The following NOTCH2 variants were observed in gnomAD, a reference collection of about 807,000 sequenced individuals.
NOTCH2 encodes the protein neurogenic locus notch homolog protein 2.
NOTCH2 carries 29 observed loss-of-function variants against 235.8 expected under a neutral mutation model. That is an observed-to-expected ratio of 0.12 (90% CI 0.09 to 0.17). The LOEUF (loss-of-function observed/expected upper bound fraction) is 0.17. Among genes scored for constraint, NOTCH2 ranks in the 10% least tolerant of loss-of-function variants. The pLI, the probability that NOTCH2 is intolerant of heterozygous loss-of-function variation, is 1.00. For synonymous variants in NOTCH2, 1,086 were observed against 1,141.5 expected (o/e 0.95, Z 0.98); for missense variants, 2,285 against 3,150.2 (o/e 0.73, Z 6.57).
At chr1:119,935,844 G>A (rs1649830185) in intron 21 of NOTCH2, among the ~76,000 whole-genome samples, 1 of 152,202 alleles carries the variant, frequency 6.6e-6, no homozygotes, top group Non-Finnish European at 1.5e-5. Flanking sequence ...TAAAGGGAAG[G>A]CAAGGACTGA....
intron 23 of NOTCH2, among the ~76,000 whole-genome samples, chr1:119,928,048 A>G (rs1649532247): frequency 6.6e-6 from 1 of 152,190 alleles, no homozygotes; most frequent in Non-Finnish European, 1.5e-5. Context: ...AAGAAATACA[A>G]CTACAGACCC....
chr1:120,040,832 TCGAGACCATCCTGGCTAACACG>T, intron 1 of NOTCH2, among the ~76,000 whole-genome samples: 1 of 149,420 alleles, frequency 6.7e-6, no homozygotes, highest in African/African-American at 2.5e-5. Context: ...GGTCAGGAGA[TCGAGACCATCCTGGCTAACACG>T]GTGAAACCAC....
At chr1:119,957,885 A>C (rs970630585) in intron 12 of NOTCH2, among the ~76,000 whole-genome samples, 3 of 76,962 alleles carry the variant, frequency 3.9e-5, no homozygotes, top group African/African-American at 3.7e-5. Context: ...CACACACACA[A>C]CAGGCCCCTA....
chr1:120,009,218 T>C lies in NOTCH2; in HGVS notation c.156-3630A>G, dbSNP rs587632841. 1.5e-4 allele frequency among the ~76,000 whole-genome samples: 23 copies of C among 151,602 alleles called. No homozygotes were observed. In the East Asian group the frequency reaches 2.1e-3, roughly 14 times the overall value. ...GAGCTGTAACTGGGATGTGGATCAATTGGGGCCTTTAAGCCACTGTAAAGA... is the reference window on the plus strand; with the variant it reads ...GAGCTGTAACTGGGATGTGGATCAACTGGGGCCTTTAAGCCACTGTAAAGA... On this transcript the variant is annotated intron_variant, in intron 2 of 33. Coordinates refer to ENST00000256646, the MANE Select transcript of NOTCH2 (RefSeq NM_024408.4).
chr1:119,922,423 T>C lies in NOTCH2; in HGVS notation c.5026A>G (p.Thr1676Ala), dbSNP rs762552264. ...ACAGCAAGGAGATAGAGGAGCTGAG[T>C]GCGTTCTGGAGTCAGGGATTCACCT... ...VVSESLTPER[T>A]QLLYLLAVAV... Residue 1676 changes from threonine to alanine, a missense_variant, in exon 28 of 34, where the codon ACT becomes GCT. By Grantham distance (58) the Thr-to-Ala change is moderately conservative. Transcript: ENST00000256646. 5.6e-6 allele frequency: 9 copies of C among 1,613,204 alleles called. No homozygotes were observed. Among genetic ancestry groups the C allele is most frequent in the African/African-American group, 1.3e-5 (1 of 75,010 alleles).
At chr1:119,916,776 AC>A in intron 33 of NOTCH2, 82 bp from the exon 34 acceptor site, 25 of 1,346,198 alleles carry the variant, frequency 1.9e-5, no homozygotes, top group South Asian at 1.8e-4. Flanking sequence ...TTTTATTATC[AC>A]CCCCTTAGAC....
intron 1 of NOTCH2, 141 bp from the exon 2 acceptor site, chr1:120,030,128 G>A (rs1553210763): frequency 1.5e-6 from 1 of 683,544 alleles, no homozygotes; most frequent in Non-Finnish European, 2.7e-6. Context: ...AGTTTTTTAT[G>A]TTCTGGCTTC....
Position 119,919,434 on chromosome 1 carries a change from A to G in NOTCH2, c.5659T>C (p.Tyr1887His). ...CGCTTGGCAGCATCAGCCCGTGAGT[A>G]GCGGGCTGCAAGGTGCAGGGCCATC... Reference protein sequence around the residue: ...GEMALHLAARYSRADAAKRLL... With the variant: ...GEMALHLAARHSRADAAKRLL... Residue 1887 changes from tyrosine to histidine, a missense_variant, in exon 31 of 34, where the codon TAC becomes CAC. Transcript: ENST00000256646. The G allele has an allele frequency of 6.2e-7, 1 of 1,613,778 alleles. No homozygotes were observed. Among genetic ancestry groups the G allele is most frequent in the Non-Finnish European group, 8.5e-7 (1 of 1,180,018 alleles).
chr1:119,945,448 GAA>G (rs1379321177), intron 17 of NOTCH2, among the ~76,000 whole-genome samples: 1 of 151,882 alleles, frequency 6.6e-6, no homozygotes, highest in African/African-American at 2.4e-5. Flanking sequence ...TCATACTGGA[GAA>G]AAAAAGACAA....
chr1:120,036,911 C>T (rs1415943958), intron 1 of NOTCH2, among the ~76,000 whole-genome samples: 1 of 152,188 alleles, frequency 6.6e-6, no homozygotes, highest in Non-Finnish European at 1.5e-5. Flanking sequence ...ACTATCATAC[C>T]AGCTACATAT....
chr1:119,960,668 T>C (rs587745601), intron 11 of NOTCH2, among the ~76,000 whole-genome samples: 2 of 151,202 alleles, frequency 1.3e-5, no homozygotes, highest in East Asian at 3.9e-4. Context: ...TCACTCATAC[T>C]TTGTTTTTCT....
chr1:119,946,013 GATCTA>G (rs1403874281), intron 17 of NOTCH2, among the ~76,000 whole-genome samples: 1 of 152,000 alleles, frequency 6.6e-6, no homozygotes, highest in Non-Finnish European at 1.5e-5. Context: ...AACCATCACA[GATCTA>G]ATAGACTATT....
In NOTCH2 at chr1:119,922,710, G is replaced by A. The variant is rs891328437; in HGVS notation, c.4928C>T (p.Thr1643Met). The A allele has an allele frequency of 3.1e-6, 5 of 1,614,074 alleles. No individual in the cohort carries two copies. The highest frequency in any genetic ancestry group is 1.7e-5 in the Admixed American group (1 of 60,010). The change falls in exon 27 of 34, where the codon ACG (threonine) becomes ATG (methionine). Residue 1643 changes from threonine (T) to methionine (M), a missense_variant. Transcript: ENST00000256646. ...GGCCAGGAGAGCTGCTGCTGCATCCGTGTTCTTGAAGCAGTGGTCTGAGTC... is the reference window on the plus strand; with the variant it reads ...GGCCAGGAGAGCTGCTGCTGCATCCATGTTCTTGAAGCAGTGGTCTGAGTC... ...VQDSDHCFKN[T>M]DAAAALLASH... is the part of the protein sequence containing the mutation.
intron 1 of NOTCH2, among the ~76,000 whole-genome samples, chr1:120,063,329 A>G (rs1655381162): frequency 1.3e-5 from 2 of 151,884 alleles, no homozygotes; most frequent in Non-Finnish European, 2.9e-5. Flanking sequence ...CCGACACCAA[A>G]TATGTGTTCA....
intron 21 of NOTCH2, among the ~76,000 whole-genome samples, chr1:119,937,076 C>A (rs1210171744): frequency 4.6e-5 from 7 of 152,056 alleles, no homozygotes; most frequent in Non-Finnish European, 7.3e-5. Context: ...TGGTTCCAGA[C>A]GCCTATAAAA....
At chr1:119,944,715 G>C (rs1303041904) in intron 17 of NOTCH2, among the ~76,000 whole-genome samples, 1 of 152,090 alleles carries the variant, frequency 6.6e-6, no homozygotes, top group Admixed American at 6.6e-5. Flanking sequence ...CAAGGAAGAA[G>C]ATAATAGGAT....
At chr1:119,998,685 TTTATTATTATTA>T (rs758113130) in intron 3 of NOTCH2, among the ~76,000 whole-genome samples, 1 of 149,974 alleles carries the variant, frequency 6.7e-6, no homozygotes, top group Non-Finnish European at 1.5e-5. Flanking sequence ...TCCTTGAATT[TTTATTATTATTA>T]TTATTATTAT....
In NOTCH2 at chr1:119,969,559, T is replaced by C; in HGVS notation, c.1060A>G (p.Ile354Val). 1.2e-6 allele frequency: 2 copies of C among 1,614,036 alleles called. No homozygotes were observed. The highest frequency in any genetic ancestry group is 1.3e-5 in the African/African-American group (1 of 75,038). Residue 354 changes from isoleucine to valine, a missense_variant, in exon 6 of 34, where the codon ATC becomes GTC. This residue lies in a region of NOTCH2 where 431 missense variants were observed against 757.8 expected (regional missense o/e 0.57). Coordinates refer to ENST00000256646, the MANE Select transcript of NOTCH2 (RefSeq NM_024408.4). Reference protein sequence around the residue: ...FASCTPGSTCIDRVASFSCMC... With the variant: ...FASCTPGSTCVDRVASFSCMC... ...CAAGAGAAGGAGGCCACACGGTCGA[T>C]GCAGGTGGAGCCTGGAGTACAGGAG...
chr1:119,979,454 G>A (rs1008309020), intron 5 of NOTCH2, among the ~76,000 whole-genome samples: 2 of 152,158 alleles, frequency 1.3e-5, no homozygotes, highest in East Asian at 1.9e-4. Flanking sequence ...AGATTAATTC[G>A]TGACCCAAGA....
Sources: allele counts gnomAD v4.1 joint callset (sites outside exome capture counted in the v4.1 genomes callset), GRCh38; gene constraint gnomAD v4.1.1; regional missense constraint gnomAD v4.1.1; transcripts MANE v1.5; gene names NCBI Gene and HGNC (gene_info 2026-07-23, HGNC 2026-07-21).